MED12L: variants seen among roughly 807,000 people sequenced by gnomAD.
MED12L encodes mediator complex subunit 12L.
MED12L carries 60 observed loss-of-function variants against 281.3 expected under a neutral mutation model. The observed-to-expected ratio is 0.21, with a 90% CI of 0.17 to 0.26. The LOEUF (loss-of-function observed/expected upper bound fraction) is 0.26. Among genes scored for constraint, MED12L ranks in the 10% least tolerant of loss-of-function variants. The pLI is 1.00. For missense variants in MED12L, 2,146 were observed against 2,680.9 expected, an observed-to-expected ratio of 0.80 and a Z score of 4.41; for synonymous variants, 974 against 987.2, an observed-to-expected ratio of 0.99 and a Z score of 0.25.
chr3:151,163,692 A>G (rs1035079542), intron 8 of MED12L, among the ~76,000 whole-genome samples: 1 of 152,174 alleles, frequency 6.6e-6, no homozygotes, highest in Admixed American at 6.5e-5. Context: ...CAACAGCTGT[A>G]CTTCCTCCCT....
chr3:151,392,613 A>T (rs987255005), intron 38 of MED12L, among the ~76,000 whole-genome samples: 2 of 152,060 alleles, frequency 1.3e-5, no homozygotes, highest in Non-Finnish European at 2.9e-5. Context: ...GCATGATTCC[A>T]TTCATATAGG....
intron 16 of MED12L, chr3:151,338,704 TC>T: frequency 6.2e-7 from 1 of 1,613,588 alleles, no homozygotes; most frequent in Non-Finnish European, 8.5e-7. Flanking sequence ...AAGAAAATCC[TC>T]ATCGCCAGGC....
At chr3:151,313,934 A>T (rs1747892855) in intron 16 of MED12L, among the ~76,000 whole-genome samples, 1 of 152,144 alleles carries the variant, frequency 6.6e-6, no homozygotes, top group African/African-American at 2.4e-5. Context: ...AAAAAAAAAA[A>T]AATTGCATGA....
intron 16 of MED12L, chr3:151,294,302 A>C (rs752166018): frequency 1.5e-5 from 24 of 1,614,132 alleles, no homozygotes; most frequent in Non-Finnish European, 1.9e-5. Flanking sequence ...ACACATGAAA[A>C]AGTAAATTAT....
chr3:151,173,356 G>T (rs1576887844), intron 11 of MED12L, among the ~76,000 whole-genome samples: 1 of 152,106 alleles, frequency 6.6e-6, no homozygotes, highest in Non-Finnish European at 1.5e-5. Flanking sequence ...CTCTTAACTA[G>T]TACGTTCTAT....
intron 16 of MED12L, among the ~76,000 whole-genome samples, chr3:151,280,145 G>A (rs772157634): frequency 5.3e-5 from 8 of 152,178 alleles, no homozygotes; most frequent in African/African-American, 1.2e-4. Flanking sequence ...TGGTCCCCTC[G>A]TGGCAGGTGG....
intron 13 of MED12L, among the ~76,000 whole-genome samples, chr3:151,190,210 C>T (rs115509436): frequency 0.024 from 3,592 of 149,268 alleles, 61 homozygotes; most frequent in Non-Finnish European, 0.037. Flanking sequence ...TCGCTCTTGT[C>T]GCCTAGGCTG....
At chr3:151,390,750 A>G (rs1714106833) in intron 38 of MED12L, among the ~76,000 whole-genome samples, 1 of 152,162 alleles carries the variant, frequency 6.6e-6, no homozygotes, top group Non-Finnish European at 1.5e-5. Flanking sequence ...CATTGTTAGG[A>G]TGTGCCATTT....
At position 151,371,815 on chromosome 3, in the gene MED12L, T is replaced by C. The variant is rs180893061; in HGVS notation, c.3665-752T>C. 4.1e-3 allele frequency among the ~76,000 whole-genome samples: 622 copies of C among 152,350 alleles called. 1 individual carries two copies. Among genetic ancestry groups the C allele is most frequent in the Non-Finnish European group, 6.6e-3 (452 of 68,024 alleles). On this transcript the variant is annotated intron_variant, in intron 26 of 44. Transcript: ENST00000687756. ...CTCTCTCACTTTTAAAATATGATAG[T>C]TATTTGTCTCTCATGGCTAGAGTTT... is the stretch of plus-strand genomic sequence containing the variant.
At chr3:151,381,898 A>T (rs780571034) in intron 32 of MED12L, among the ~76,000 whole-genome samples, 5 of 152,064 alleles carry the variant, frequency 3.3e-5, no homozygotes, top group African/African-American at 1.2e-4. Context: ...TCTGCATGTG[A>T]CTCATTTGAA....
chr3:151,095,958 A>G (rs1234353117), intron 2 of MED12L, among the ~76,000 whole-genome samples: 2 of 152,218 alleles, frequency 1.3e-5, no homozygotes, highest in African/African-American at 4.8e-5. Flanking sequence ...AAGAAATTTA[A>G]TGAAAATCTG....
chr3:151,335,060 A>C (rs1055297411), intron 16 of MED12L, among the ~76,000 whole-genome samples: 1 of 152,182 alleles, frequency 6.6e-6, no homozygotes, highest in Admixed American at 6.5e-5. Flanking sequence ...ATTTCATGTA[A>C]GTATACAATG....
chr3:151,170,913 G>A (rs1253791211), intron 11 of MED12L, among the ~76,000 whole-genome samples: 5 of 152,224 alleles, frequency 3.3e-5, no homozygotes, highest in Non-Finnish European at 2.9e-5. Context: ...GAAGAGGGAA[G>A]CCTCTCAAAT....
At chr3:151,314,040 C>T (rs16863300) in intron 16 of MED12L, among the ~76,000 whole-genome samples, 506 of 152,104 alleles carry the variant, frequency 3.3e-3, no homozygotes, top group African/African-American at 0.011. Flanking sequence ...TTGTGCCATA[C>T]GGATCCTATC....
At chr3:151,118,390 A>T (rs1326959002) in intron 3 of MED12L, among the ~76,000 whole-genome samples, 1 of 152,222 alleles carries the variant, frequency 6.6e-6, no homozygotes, top group African/African-American at 2.4e-5. Context: ...AAGCAGTGTG[A>T]AAGAACATAG....
chr3:151,302,183 T>C (rs1410913693), intron 16 of MED12L, among the ~76,000 whole-genome samples: 3 of 152,176 alleles, frequency 2.0e-5, no homozygotes, highest in Non-Finnish European at 2.9e-5. Flanking sequence ...AAGGCAAATC[T>C]GTAGAGGCAG....
intron 39 of MED12L, among the ~76,000 whole-genome samples, chr3:151,396,067 T>C (rs1320420601): frequency 6.6e-6 from 1 of 152,166 alleles, no homozygotes; most frequent in Admixed American, 6.5e-5. Flanking sequence ...TTGCTTTAGC[T>C]CCCTGAGTGT....
intron 5 of MED12L, among the ~76,000 whole-genome samples, chr3:151,142,812 G>T (rs1717242972): frequency 6.6e-6 from 1 of 151,414 alleles, no homozygotes; most frequent in African/African-American, 2.4e-5. Flanking sequence ...ATGATAAATA[G>T]AAAGCTTTTT....
At chr3:151,338,014 AG>A in intron 16 of MED12L, 1 of 1,614,132 alleles carries the variant, frequency 6.2e-7, no homozygotes, top group South Asian at 1.1e-5. Context: ...TCTTTCACAT[AG>A]AACAGAGTAT....
Sources: allele counts gnomAD v4.1 joint callset (sites outside exome capture counted in the v4.1 genomes callset), GRCh38; gene constraint gnomAD v4.1.1; transcripts MANE v1.5; gene names NCBI Gene and HGNC (gene_info 2026-07-23, HGNC 2026-07-21).